The following MIGA2 variants were observed in gnomAD, a reference collection of about 807,000 sequenced individuals.
MIGA2 encodes family with sequence similarity 73, member B.
Under a neutral mutation model 69.9 loss-of-function variants are expected in MIGA2, and 36 were observed. The observed-to-expected ratio is 0.52, with a 90% CI of 0.39 to 0.68. MIGA2 has a LOEUF of 0.68. Ranked by LOEUF, MIGA2 falls within the 30% of genes least tolerant of loss-of-function variation. The pLI is 0.00. For missense variants in MIGA2, 660 were observed against 787.7 expected (o/e 0.84, Z 1.94); for synonymous variants, 333 against 349.2 (o/e 0.95, Z 0.52).
In MIGA2 at chr9:129,069,649, A is replaced by T. The variant is rs1283262067; in HGVS notation, c.1459-200A>T. 6.6e-6 allele frequency: 4 copies of T among 608,608 alleles called. No individual in the cohort carries two copies. The South Asian group carries it at 7.4e-5, about 11-fold the overall frequency. The allele number at this position is 608,608 out of a possible 1,614,324, so 37.7% of individuals were successfully genotyped here. ...CCACTATGGCCCCACCTCTTGCAGTACTCACAGCGGCCCATGGTTACCCTG... is the reference window on the plus strand; with the variant it reads ...CCACTATGGCCCCACCTCTTGCAGTTCTCACAGCGGCCCATGGTTACCCTG... On this transcript the variant is annotated intron_variant, in intron 14 of 15. Coordinates refer to ENST00000684074, the MANE Select transcript of MIGA2 (RefSeq NM_001329990.2). This position sits in a 1 kb window ranked among gnomAD's most constrained non-coding sequence, Gnocchi z 4.9.
chr9:129,037,525 G>C (rs1331510955), intron 1 of MIGA2, among the ~76,000 whole-genome samples: 2 of 152,100 alleles, frequency 1.3e-5, no homozygotes, highest in African/African-American at 2.4e-5. Flanking sequence ...CCTGGAGGAC[G>C]GACAGGGTGC....
intron 6 of MIGA2, among the ~76,000 whole-genome samples, chr9:129,052,228 C>T (rs1487966804): frequency 6.6e-6 from 1 of 152,000 alleles, no homozygotes; most frequent in Non-Finnish European, 1.5e-5. Context: ...TGGGTTCAAG[C>T]GATTCTGTCT....
rs994128802 is a variant in MIGA2, at chr9:129,060,257, C to T, written c.794-293C>T. 2.0e-5 allele frequency among the ~76,000 whole-genome samples: 3 copies of T among 152,190 alleles called. No homozygotes were observed. Among genetic ancestry groups the T allele is most frequent in the Non-Finnish European group, 4.4e-5 (3 of 68,022 alleles). On this transcript the variant is annotated intron_variant, in intron 7 of 15. Transcript: ENST00000684074. The surrounding 1 kb of genome is among the most constrained non-coding windows in gnomAD (Gnocchi z 4.8). ...AGCTTGGGCCTTCAGGCCTCAGGTC[C>T]AGCGGTGCAACCTGTGAGCCTGGCA...
chr9:129,063,781 T>C, intron 11 of MIGA2, 150 bp downstream of exon 11: 1 of 757,432 alleles, frequency 1.3e-6, no homozygotes, highest in Non-Finnish European at 2.1e-6. Context: ...TGGATCTTGT[T>C]ATTCCATTTC....
chr9:129,055,581 T>C (rs1234368477), intron 6 of MIGA2, among the ~76,000 whole-genome samples: 13 of 151,798 alleles, frequency 8.6e-5, no homozygotes, highest in Non-Finnish European at 2.9e-5. Context: ...CCTCGCGCGG[T>C]GGCTCACGCC....
rs958778184 is a variant in MIGA2, at chr9:129,061,420, A to G, written c.1010+74A>G. The G allele has an allele frequency of 7.3e-7, 1 of 1,364,276 alleles. No individual in the cohort carries two copies. Among genetic ancestry groups the G allele is most frequent in the Non-Finnish European group, 1.0e-6 (1 of 990,138 alleles). 84.5% of individuals were successfully genotyped at this position (1,364,276 alleles called of 1,614,324 possible). A position where few individuals can be genotyped will look rare whatever the true frequency, so the allele number is the denominator to read the frequency against. On this transcript the variant is annotated intron_variant, in intron 9 of 15. Transcript: ENST00000684074. This position sits in a 1 kb window ranked among gnomAD's most constrained non-coding sequence, Gnocchi z 5.0. The stretch of plus-strand genomic sequence containing the variant: ...ATTCTGGCCCTTGCGGGAGGCGGAG[A>G]AGCCAGCGGTGCTTGGCGAGGACTT...
intron 6 of MIGA2, among the ~76,000 whole-genome samples, chr9:129,058,256 C>T (rs940741255): frequency 6.6e-6 from 1 of 151,874 alleles, no homozygotes; most frequent in East Asian, 2.0e-4. Context: ...CAGAAGTTAG[C>T]CAGGTATGGT....
intron 3 of MIGA2, among the ~76,000 whole-genome samples, chr9:129,045,389 C>T (rs1845160794): frequency 6.9e-6 from 1 of 145,250 alleles, no homozygotes; most frequent in Non-Finnish European, 1.5e-5. Context: ...TTGCAGTGAG[C>T]CGAGATCACA....
rs756475673 is a variant in MIGA2, at chr9:129,068,082, T to TC, written c.1270-109dup. On this transcript the variant is annotated intron_variant, in intron 12 of 15. Coordinates refer to ENST00000684074, the MANE Select transcript of MIGA2 (RefSeq NM_001329990.2). This position sits in a 1 kb window ranked among gnomAD's most constrained non-coding sequence, Gnocchi z 4.1. Reference sequence around the variant, plus strand: ...TGCACAGCAGAGCGGGAAAGACGTGTCCCCCCCACGTGTGCTCATGCCCTG... The same window carrying TC: ...TGCACAGCAGAGCGGGAAAGACGTGTCCCCCCCCACGTGTGCTCATGCCCTG... The TC allele has an allele frequency of 3.5e-4, 503 of 1,439,762 alleles. No individual in the cohort carries two copies. Among genetic ancestry groups the TC allele is most frequent in the Non-Finnish European group, 8.7e-5 (89 of 1,025,992 alleles). The allele number at this position is 1,439,762 out of a possible 1,614,324, so 89.2% of individuals were successfully genotyped here. A position where few individuals can be genotyped will look rare whatever the true frequency, so the allele number is the denominator to read the frequency against.
chr9:129,066,114 C>T (rs1425099683), intron 11 of MIGA2, among the ~76,000 whole-genome samples: 4 of 152,156 alleles, frequency 2.6e-5, no homozygotes, highest in East Asian at 1.9e-4. Context: ...GGAGTTCATT[C>T]GAGCCTCACT....
At chr9:129,064,319 G>A (rs1161174173) in intron 11 of MIGA2, among the ~76,000 whole-genome samples, 1 of 151,164 alleles carries the variant, frequency 6.6e-6, no homozygotes, top group Non-Finnish European at 1.5e-5. Context: ...CCATTCTCCT[G>A]CCTCAGCCTC....
At chr9:129,038,507 G>C (rs1003538616) in intron 1 of MIGA2, among the ~76,000 whole-genome samples, 3 of 152,160 alleles carry the variant, frequency 2.0e-5, no homozygotes, top group African/African-American at 7.2e-5. Context: ...CTTGGGAAGG[G>C]GCAATGGGGT....
intron 6 of MIGA2, 35 bp downstream of exon 6, chr9:129,049,998 G>A: frequency 4.4e-6 from 7 of 1,586,406 alleles, no homozygotes; most frequent in South Asian, 1.1e-5. Context: ...ACGCCCATGG[G>A]ATAAAGTTGG....
intron 11 of MIGA2, among the ~76,000 whole-genome samples, chr9:129,065,259 C>T (rs1846281735): frequency 1.3e-5 from 2 of 152,026 alleles, no homozygotes; most frequent in Middle Eastern, 3.4e-3. Flanking sequence ...ATGATTGCAC[C>T]ACTGCTCTCC....
In MIGA2 at chr9:129,042,376, GCC is replaced by G; in HGVS notation, c.171_172del (p.Leu58GlyfsTer69). 6.2e-7 allele frequency: 1 copy of G among 1,613,670 alleles called. No homozygotes were observed. The highest frequency in any genetic ancestry group is 8.5e-7 in the Non-Finnish European group (1 of 1,180,038). The part of the protein sequence containing the change: ...VLFATALGTV[A>X]LALAAHQLKR... Reference sequence around the variant, plus strand: ...CTTTGCCACGGCCCTGGGGACTGTGGCCCTGGCCCTGGCTGCCCACCAGCTGA... The same window carrying G: ...CTTTGCCACGGCCCTGGGGACTGTGGCTGGCCCTGGCTGCCCACCAGCTGA... On this transcript the variant is annotated frameshift_variant, in exon 3 of 16. Transcript: ENST00000684074. LOFTEE classifies it high-confidence loss of function.
chr9:129,042,295 TC>T lies in MIGA2; in HGVS notation c.97-6del, dbSNP rs1211994426. On this transcript the variant is annotated splice_region_variant and splice_polypyrimidine_tract_variant and intron_variant, in intron 2 of 15. Transcript: ENST00000684074. ...AGGTGTAACCGGCAGCGTCTCCTCT[TC>T]CCTGCAGTCTGCATTCTCCCAGCTA... 1 of 1,611,888 alleles carries T rather than the reference TC, an allele frequency of 6.2e-7. No homozygotes were observed. The highest frequency in any genetic ancestry group is 1.1e-5 in the South Asian group (1 of 90,966).
intron 3 of MIGA2, among the ~76,000 whole-genome samples, chr9:129,045,592 T>C (rs1845177361): frequency 6.6e-6 from 1 of 151,736 alleles, no homozygotes; most frequent in African/African-American, 2.4e-5. Context: ...ACCCTGTCTC[T>C]ATAAATAATT....
At chr9:129,066,323 G>A (rs897334395) in intron 11 of MIGA2, among the ~76,000 whole-genome samples, 5 of 152,162 alleles carry the variant, frequency 3.3e-5, no homozygotes, top group Admixed American at 1.3e-4. Context: ...TGGGTGCCAG[G>A]GCCCCACCCT....
At chr9:129,067,991 A>G in intron 12 of MIGA2, 120 bp downstream of exon 12, 1 of 1,302,832 alleles carries the variant, frequency 7.7e-7, no homozygotes, top group Non-Finnish European at 1.1e-6. Context: ...ATCACTGCTC[A>G]TAGTCCCCGG....
Sources: allele counts gnomAD v4.1 joint callset (sites outside exome capture counted in the v4.1 genomes callset), GRCh38; gene constraint gnomAD v4.1.1; non-coding constraint Gnocchi (gnomAD v3.1); transcripts MANE v1.5; gene names NCBI Gene and HGNC (gene_info 2026-07-23, HGNC 2026-07-21).